The following GLCCI1 variants were observed in gnomAD, a reference collection of about 807,000 sequenced individuals.
The protein encoded by GLCCI1 is glucocorticoid induced 1.
Under a neutral mutation model 52.2 loss-of-function variants are expected in GLCCI1, and 24 were observed. The observed-to-expected ratio is 0.46, with a 90% CI of 0.33 to 0.65. The LOEUF is 0.65. Ranked by LOEUF, GLCCI1 falls within the 30% of genes least tolerant of loss-of-function variation. The pLI is 0.02. For missense variants in GLCCI1, 704 were observed against 701.5 expected (o/e 1.00, Z -0.04); for synonymous variants, 310 against 276.5 (o/e 1.12, Z -1.20).
At chr7:8,002,288 G>C (rs1781064948) in intron 1 of GLCCI1, among the ~76,000 whole-genome samples, 1 of 151,892 alleles carries the variant, frequency 6.6e-6, no homozygotes, top group African/African-American at 2.4e-5. Flanking sequence ...TAATTCAATT[G>C]ATATATAAGA....
At chr7:7,987,426 C>G (rs544240110) in intron 1 of GLCCI1, among the ~76,000 whole-genome samples, 1 of 152,198 alleles carries the variant, frequency 6.6e-6, no homozygotes, top group African/African-American at 2.4e-5. Context: ...CTATTTAAGA[C>G]ACTTGTCATC....
chr7:7,969,595 G>C lies in GLCCI1; in HGVS notation c.245G>C (p.Arg82Pro), dbSNP rs1297741062. 3 of 1,032,856 alleles carry C rather than the reference G, an allele frequency of 2.9e-6. No homozygotes were observed. The highest frequency in any genetic ancestry group is 3.5e-6 in the Non-Finnish European group (3 of 862,106). The allele number at this position is 1,032,856 out of a possible 1,614,324, so 64.0% of individuals were successfully genotyped here. A position where few individuals can be genotyped will look rare whatever the true frequency, so the allele number is the denominator to read the frequency against. The change falls in exon 1 of 8, where the codon CGT becomes CCT. Residue 82 changes from arginine (R) to proline (P), a missense_variant. Coordinates refer to ENST00000223145, the MANE Select transcript of GLCCI1 (RefSeq NM_138426.4). This position sits in a 1 kb window ranked among gnomAD's most constrained non-coding sequence, Gnocchi z 4.9. ...CGGGGCAGCCAGCACAGTCCCACGC[G>C]TCCGCCCGTCGCCGCTGCCGCCGCC... ...LLRGSQHSPT[R>P]PPVAAAAASL...
chr7:8,071,416 T>C (rs1023681476), intron 6 of GLCCI1, among the ~76,000 whole-genome samples: 1 of 152,200 alleles, frequency 6.6e-6, no homozygotes, highest in Non-Finnish European at 1.5e-5. Flanking sequence ...GGTCTTTTCC[T>C]TGGTATTGTC....
In GLCCI1 at chr7:7,968,826, A is replaced by AGCGGCGGCGGCGGCGGCGGCG. The variant is rs570249106; in HGVS notation, c.-524_-504dup. The AGCGGCGGCGGCGGCGGCGGCG allele has an allele frequency of 2.5e-5, 4 of 160,134 alleles. No homozygotes were observed. The highest frequency in any genetic ancestry group is 1.3e-4 in the Admixed American group (2 of 15,516). The allele number at this position is 160,134 out of a possible 1,614,324, so 9.9% of individuals were successfully genotyped here. A position where few individuals can be genotyped will look rare whatever the true frequency, so the allele number is the denominator to read the frequency against. ...CCATTCGGAGTGAGGAGTGGGTAGA[A>AGCGGCGGCGGCGGCGGCGGCG]GCGGCGGCGGCGGCGGCGGCGTTTG... On this transcript the variant is annotated 5_prime_UTR_variant, in exon 1 of 8. Coordinates refer to ENST00000223145, the MANE Select transcript of GLCCI1 (RefSeq NM_138426.4).
rs1327521079 is a variant in GLCCI1, at chr7:7,969,593, G to A, written c.243G>A (p.Thr81=). 1.3e-4 allele frequency: 138 copies of A among 1,032,468 alleles called. No homozygotes were observed. The highest frequency in any genetic ancestry group is 1.5e-4 in the Non-Finnish European group (132 of 862,068). The allele number at this position is 1,032,468 out of a possible 1,614,324, so 64.0% of individuals were successfully genotyped here. The part of the protein sequence containing the change: ...QLLRGSQHSP[T]RPPVAAAAAS... ...TGCGGGGCAGCCAGCACAGTCCCAC[G>A]CGTCCGCCCGTCGCCGCTGCCGCCG... The change falls in exon 1 of 8, where the codon ACG becomes ACA. Residue 81 remains threonine (T), a synonymous_variant. Transcript: ENST00000223145. The surrounding 1 kb of genome is among the most constrained non-coding windows in gnomAD (Gnocchi z 4.9).
At chr7:8,076,635 ACTCAGTTTTAGCCATTATTG>A (rs1391006039) in intron 6 of GLCCI1, among the ~76,000 whole-genome samples, 1 of 152,160 alleles carries the variant, frequency 6.6e-6, no homozygotes, top group Non-Finnish European at 1.5e-5. Flanking sequence ...TAAATATACA[ACTCAGTTTTAGCCATTATTG>A]CTCAGTTTAG....
In GLCCI1 at chr7:7,968,837, C is replaced by T. The variant is rs1213430123; in HGVS notation, c.-514C>T. The T allele has an allele frequency of 1.9e-5, 3 of 160,808 alleles. No individual in the cohort carries two copies. Among genetic ancestry groups the T allele is most frequent in the East Asian group, 1.8e-4 (1 of 5,430 alleles). 10.0% of individuals were successfully genotyped at this position (160,808 alleles called of 1,614,324 possible). ...GAGGAGTGGGTAGAAGCGGCGGCGG[C>T]GGCGGCGGCGTTTGCGGTGGCGCGG... On this transcript the variant is annotated 5_prime_UTR_variant, in exon 1 of 8. Transcript: ENST00000223145.
intron 1 of GLCCI1, among the ~76,000 whole-genome samples, chr7:7,991,841 C>T (rs973532871): frequency 6.6e-6 from 1 of 152,054 alleles, no homozygotes; most frequent in Non-Finnish European, 1.5e-5. Context: ...ATAGGATGCA[C>T]TTGGAACTTT....
intron 4 of GLCCI1, among the ~76,000 whole-genome samples, chr7:8,059,462 T>C (rs146318807): frequency 6.6e-6 from 1 of 152,350 alleles, no homozygotes; most frequent in African/African-American, 2.4e-5. Context: ...GTATAAATCC[T>C]TAAGTATCAA....
chr7:8,065,210 G>T (rs1487641206), intron 5 of GLCCI1, among the ~76,000 whole-genome samples: 2 of 152,026 alleles, frequency 1.3e-5, no homozygotes, highest in Non-Finnish European at 2.9e-5. Context: ...TCTCAGCTTC[G>T]ATATTGTTAG....
At chr7:8,000,893 A>G (rs539605317) in intron 1 of GLCCI1, among the ~76,000 whole-genome samples, 23 of 152,130 alleles carry the variant, frequency 1.5e-4, no homozygotes, top group African/African-American at 5.3e-4. Context: ...TTTGCTTGGT[A>G]TATCTTCCTC....
In GLCCI1 at chr7:8,086,757, T is replaced by A. The variant is rs952784651; in HGVS notation, c.*219T>A. On this transcript the variant is annotated 3_prime_UTR_variant, in exon 8 of 8. Coordinates refer to ENST00000223145, the MANE Select transcript of GLCCI1 (RefSeq NM_138426.4). The surrounding 1 kb of genome is among the most constrained non-coding windows in gnomAD (Gnocchi z 4.4). ...TGCAAAACGTGTGTGTCATTCAGCA[T>A]TTTAAGTGGAGACTATGCATTTCAT... The A allele has an allele frequency of 5.6e-6, 3 of 537,470 alleles. No individual in the cohort carries two copies. The highest frequency in any genetic ancestry group is 9.8e-6 in the Non-Finnish European group (3 of 305,650). The allele number at this position is 537,470 out of a possible 1,614,324, so 33.3% of individuals were successfully genotyped here.
At chr7:8,014,304 C>A (rs907197644) in intron 2 of GLCCI1, among the ~76,000 whole-genome samples, 1 of 152,064 alleles carries the variant, frequency 6.6e-6, no homozygotes, top group Non-Finnish European at 1.5e-5. Context: ...GCTGCCTTGG[C>A]CTCTTTCTTG....
chr7:8,007,869 AG>A (rs1781187950), intron 2 of GLCCI1, among the ~76,000 whole-genome samples: 1 of 152,216 alleles, frequency 6.6e-6, no homozygotes, highest in Admixed American at 6.5e-5. Flanking sequence ...TGTTGTGAAA[AG>A]ATTGTAGACT....
chr7:8,003,863 T>A, intron 1 of GLCCI1, 45 bp from the exon 2 acceptor site: 1 of 1,554,968 alleles, frequency 6.4e-7, no homozygotes, highest in South Asian at 1.2e-5. Context: ...ACTTTAAATT[T>A]TATTTTATTC....
intron 2 of GLCCI1, 172 bp downstream of exon 2, chr7:8,004,231 C>G (rs1262711154): frequency 3.4e-6 from 2 of 593,462 alleles, no homozygotes; most frequent in East Asian, 2.9e-5. Context: ...TTTTTGTCAT[C>G]TGGCTTTTAG....
chr7:8,005,030 T>C (rs950676768), intron 2 of GLCCI1, among the ~76,000 whole-genome samples: 1 of 152,208 alleles, frequency 6.6e-6, no homozygotes, highest in Non-Finnish European at 1.5e-5. Context: ...CCTTGTAATG[T>C]TTTATGCTGC....
At chr7:8,041,864 TCA>T (rs1782007477) in intron 3 of GLCCI1, among the ~76,000 whole-genome samples, 1 of 152,112 alleles carries the variant, frequency 6.6e-6, no homozygotes, top group African/African-American at 2.4e-5. Flanking sequence ...AGTGCTGGAA[TCA>T]CAAGTATGAG....
At chr7:8,077,539 G>A (rs1329900293) in intron 6 of GLCCI1, among the ~76,000 whole-genome samples, 1 of 152,168 alleles carries the variant, frequency 6.6e-6, no homozygotes, top group African/African-American at 2.4e-5. Flanking sequence ...TTAATTATGT[G>A]CCCTTGGACA....
Sources: gnomAD v4.1 joint callset for allele counts (sites outside exome capture counted in the v4.1 genomes callset) on GRCh38, gnomAD v4.1.1 for gene constraint, Gnocchi (gnomAD v3.1) non-coding constraint, MANE v1.5 for transcripts, NCBI Gene and HGNC (gene_info 2026-07-23, HGNC 2026-07-21) for gene names.